Variants in CLIP2 observed in about 807,000 individuals in gnomAD.
The protein encoded by CLIP2 is CAP-Gly domain containing linker protein 2, also known as CAP-Gly domain-containing linker protein 2.
In CLIP2, 41 loss-of-function variants were observed where a neutral mutation model predicts 111.7. The observed-to-expected ratio is 0.37, with a 90% CI of 0.29 to 0.48. The LOEUF (loss-of-function observed/expected upper bound fraction) is 0.48. Among genes scored for constraint, CLIP2 ranks in the 20% least tolerant of loss-of-function variants. The pLI is 0.99. For synonymous variants in CLIP2, 660 were observed against 644.2 expected (o/e 1.02, Z -0.37); for missense variants, 1,160 against 1,422.1 (o/e 0.82, Z 2.96).
At chr7:74,391,182 C>T (rs1791285652) in intron 13 of CLIP2, among the ~76,000 whole-genome samples, 1 of 152,032 alleles carries the variant, frequency 6.6e-6, no homozygotes, top group Non-Finnish European at 1.5e-5. Context: ...TTCCATGTTC[C>T]ATCTTTGCAA....
At chr7:74,367,616 A>T (rs1047820129) in intron 8 of CLIP2, among the ~76,000 whole-genome samples, 1 of 152,152 alleles carries the variant, frequency 6.6e-6, no homozygotes, top group Non-Finnish European at 1.5e-5. Flanking sequence ...GGGAGCCACC[A>T]TGCCTGGCTA....
Position 74,317,457 on chromosome 7 carries a change from A to G in CLIP2, c.-67-23A>G, listed in dbSNP as rs1788813614. The G allele has an allele frequency of 2.3e-6, 3 of 1,306,856 alleles. No homozygotes were observed. The East Asian group carries it at 8.4e-5, about 37-fold the overall frequency. 81.0% of individuals were successfully genotyped at this position (1,306,856 alleles called of 1,614,324 possible). Reference sequence around the variant, plus strand: ...GGGGCCATTGGGAAGTGATGATGTGATCTCTCCTGTCTCTGCCCGCAGGTG... The same window carrying G: ...GGGGCCATTGGGAAGTGATGATGTGGTCTCTCCTGTCTCTGCCCGCAGGTG... On this transcript the variant is annotated intron_variant, in intron 1 of 16. Coordinates refer to ENST00000223398, the MANE Select transcript of CLIP2 (RefSeq NM_003388.5).
At chr7:74,395,824 T>C (rs11768051) in intron 13 of CLIP2, among the ~76,000 whole-genome samples, 48,306 of 141,878 alleles carry the variant, frequency 0.34, 9,091 homozygotes, top group South Asian at 0.46. Context: ...TTTTCTTACA[T>C]AACAAGAAAT....
chr7:74,375,902 G>T lies in CLIP2; in HGVS notation c.1501G>T (p.Glu501Ter). ...CTCCCCACAGCTGACCACAGTGGCCGAGAAGTCGCGCGTGCTGCAGCTGGA... is the reference window on the plus strand; with the variant it reads ...CTCCCCACAGCTGACCACAGTGGCCTAGAAGTCGCGCGTGCTGCAGCTGGA... ...LADNRLTTVA[E>*]KSRVLQLEEE... Residue 501 changes from glutamate to a stop codon, truncating the protein, a stop_gained, in exon 10 of 17, where the codon GAG (glutamate) becomes TAG (stop). Coordinates refer to ENST00000223398, the MANE Select transcript of CLIP2 (RefSeq NM_003388.5). LOFTEE classifies it high-confidence loss of function. 1 of 1,563,482 alleles carries T rather than the reference G, an allele frequency of 6.4e-7. No homozygotes were observed. The highest frequency in any genetic ancestry group is 2.3e-5 in the East Asian group (1 of 42,608).
In CLIP2 at chr7:74,302,296, AC is replaced by A. The variant is rs565359149; in HGVS notation, c.-68+12564del. Among the ~76,000 whole-genome samples the A allele has an allele frequency of 2.6e-3, 396 of 151,148 alleles. 1 individual carries two copies. The highest frequency in any genetic ancestry group is 4.3e-3 in the Admixed American group (65 of 15,152). ...AATGGCGCGATATCAGCTCACTGCA[AC>A]CTCCGCCTCCCTGGTTCAAGCGATT... On this transcript the variant is annotated intron_variant, in intron 1 of 16. Transcript: ENST00000223398.
At chr7:74,341,781 T>C (rs1789663758) in intron 3 of CLIP2, among the ~76,000 whole-genome samples, 1 of 152,042 alleles carries the variant, frequency 6.6e-6, no homozygotes, top group Non-Finnish European at 1.5e-5. Flanking sequence ...GCCTGGTTCC[T>C]CTGGACAGAA....
intron 2 of CLIP2, among the ~76,000 whole-genome samples, chr7:74,330,994 C>T (rs1554731173): frequency 6.6e-6 from 1 of 151,722 alleles, no homozygotes; most frequent in African/African-American, 2.4e-5. Context: ...CACCTGAGGT[C>T]AGGAATTCGA....
chr7:74,317,694 T>C, intron 2 of CLIP2, 27 bp downstream of exon 2: 1 of 1,412,258 alleles, frequency 7.1e-7, no homozygotes, highest in Non-Finnish European at 9.3e-7. Context: ...GGATGGGGGG[T>C]GAGGGGACTG....
intron 11 of CLIP2, among the ~76,000 whole-genome samples, chr7:74,381,386 A>G (rs2116669628): frequency 6.6e-6 from 1 of 152,196 alleles, no homozygotes. Flanking sequence ...ACGGGGTTTC[A>G]CCATGTTGAC....
At chr7:74,367,732 TC>T (rs1420296347) in intron 8 of CLIP2, among the ~76,000 whole-genome samples, 15 of 151,984 alleles carry the variant, frequency 9.9e-5, no homozygotes, top group South Asian at 2.1e-4. Flanking sequence ...TATCCAGGCC[TC>T]CCCTAACACC....
intron 11 of CLIP2, among the ~76,000 whole-genome samples, chr7:74,384,220 A>T: frequency 6.6e-6 from 1 of 152,026 alleles, no homozygotes; most frequent in Admixed American, 6.6e-5. Flanking sequence ...AAACAAAACA[A>T]AAAAGAACCT....
At chr7:74,347,557 C>CAT (rs1789836400) in intron 3 of CLIP2, among the ~76,000 whole-genome samples, 4 of 152,138 alleles carry the variant, frequency 2.6e-5, no homozygotes, top group African/African-American at 2.4e-5. Flanking sequence ...CGTGAGCCAC[C>CAT]GCGTCCGGCC....
chr7:74,394,410 C>T (rs1411452505), intron 13 of CLIP2, among the ~76,000 whole-genome samples: 3 of 151,970 alleles, frequency 2.0e-5, no homozygotes, highest in Non-Finnish European at 4.4e-5. Flanking sequence ...GCCACCATGC[C>T]GGGCTAATTT....
intron 1 of CLIP2, among the ~76,000 whole-genome samples, chr7:74,315,908 A>G (rs569442020): frequency 1.4e-3 from 209 of 148,392 alleles, no homozygotes; most frequent in Non-Finnish European, 2.4e-3. Context: ...ATTCTGGGAT[A>G]CATGTGCAGG....
intron 2 of CLIP2, among the ~76,000 whole-genome samples, chr7:74,325,549 G>A (rs560589976): frequency 1.3e-5 from 2 of 152,262 alleles, no homozygotes; most frequent in East Asian, 3.9e-4. Context: ...AAGGCCCTGA[G>A]GGCCTGGCAT....
At chr7:74,372,643 G>A (rs1003005077) in intron 8 of CLIP2, among the ~76,000 whole-genome samples, 3 of 152,056 alleles carry the variant, frequency 2.0e-5, no homozygotes, top group Non-Finnish European at 2.9e-5. Flanking sequence ...GCAGGGGCCA[G>A]CGAGGGAGGA....
intron 4 of CLIP2, among the ~76,000 whole-genome samples, chr7:74,355,795 A>G (rs1419052567): frequency 6.6e-6 from 1 of 152,234 alleles, no homozygotes; most frequent in Non-Finnish European, 1.5e-5. Flanking sequence ...GTTGGACAGC[A>G]GTCCCCATCC....
At chr7:74,326,607 T>G (rs1173646782) in intron 2 of CLIP2, among the ~76,000 whole-genome samples, 1 of 151,290 alleles carries the variant, frequency 6.6e-6, no homozygotes, top group African/African-American at 2.4e-5. Flanking sequence ...TCAGCTGCTC[T>G]CTAGTACACA....
chr7:74,357,707 C>T (rs1790188532), intron 6 of CLIP2, among the ~76,000 whole-genome samples: 1 of 152,036 alleles, frequency 6.6e-6, no homozygotes, highest in South Asian at 2.1e-4. Flanking sequence ...AATCTGGTTA[C>T]AAGCTTGTAT....
Sources: allele counts gnomAD v4.1 joint callset (sites outside exome capture counted in the v4.1 genomes callset), GRCh38; gene constraint gnomAD v4.1.1; transcripts MANE v1.5; gene names NCBI Gene and HGNC (gene_info 2026-07-23, HGNC 2026-07-21).